TDRD5: variants seen among roughly 807,000 people sequenced by gnomAD.
TDRD5 encodes the protein tudor domain-containing protein 5.
A neutral mutation model predicts 120.6 loss-of-function variants in TDRD5; 41 were observed. The ratio of observed to expected loss-of-function variants is 0.34; its 90% CI spans 0.26 to 0.44. The LOEUF (loss-of-function observed/expected upper bound fraction) is 0.44. TDRD5 is among the 20% of genes least tolerant of loss of function. The pLI is 1.00. For synonymous variants in TDRD5, 430 were observed against 433.7 expected (o/e 0.99, Z 0.11); for missense variants, 1,006 against 1,221.2 (o/e 0.82, Z 2.63).
intron 4 of TDRD5, among the ~76,000 whole-genome samples, chr1:179,610,787 GGTTA>G (rs1217139536): frequency 6.6e-6 from 1 of 151,956 alleles, no homozygotes; most frequent in Non-Finnish European, 1.5e-5. Flanking sequence ...GGTCTCCCCT[GGTTA>G]GTCTCCTTTC....
chr1:179,601,993 A>G (rs1033375404), intron 4 of TDRD5, among the ~76,000 whole-genome samples: 5 of 152,216 alleles, frequency 3.3e-5, no homozygotes, highest in Non-Finnish European at 7.3e-5. Flanking sequence ...TTTAGTAGAT[A>G]TGGGGTTTCA....
intron 14 of TDRD5, among the ~76,000 whole-genome samples, chr1:179,656,718 T>C (rs1679025064): frequency 6.6e-6 from 1 of 152,222 alleles, no homozygotes; most frequent in African/African-American, 2.4e-5. Context: ...CACTACCACA[T>C]TGTCTTGATT....
At chr1:179,643,415 GCAGA>G (rs1558401128) in intron 11 of TDRD5, among the ~76,000 whole-genome samples, 1 of 152,184 alleles carries the variant, frequency 6.6e-6, no homozygotes, top group African/African-American at 2.4e-5. Context: ...ATTGGAGTTA[GCAGA>G]CAAAGACTTT....
At chr1:179,674,965 AT>A (rs1680046671) in intron 17 of TDRD5, among the ~76,000 whole-genome samples, 1 of 151,794 alleles carries the variant, frequency 6.6e-6, no homozygotes, top group African/African-American at 2.4e-5. Flanking sequence ...TGGTCTTTCA[AT>A]TTTTATCTTT....
chr1:179,640,335 T>G, intron 10 of TDRD5, 44 bp from the exon 11 acceptor site: 6 of 1,603,748 alleles, frequency 3.7e-6, no homozygotes, highest in Non-Finnish European at 5.1e-6. Context: ...TGCATTTATA[T>G]ATAGCAGGAA....
intron 14 of TDRD5, among the ~76,000 whole-genome samples, chr1:179,659,065 G>T (rs972695819): frequency 2.0e-5 from 3 of 152,158 alleles, no homozygotes; most frequent in Non-Finnish European, 4.4e-5. Flanking sequence ...AAATTTTCAT[G>T]TTAACTTCCT....
chr1:179,594,464 G>C (rs116309478), intron 3 of TDRD5, among the ~76,000 whole-genome samples: 2,554 of 152,286 alleles, frequency 0.017, 85 homozygotes, highest in African/African-American at 0.058. Context: ...AAAGTCACAT[G>C]GCTGGAAAAG....
intron 3 of TDRD5, among the ~76,000 whole-genome samples, chr1:179,595,353 T>G (rs1389233345): frequency 6.6e-6 from 1 of 152,140 alleles, no homozygotes; most frequent in Non-Finnish European, 1.5e-5. Context: ...GAATCCCACC[T>G]CTCTATAATT....
intron 11 of TDRD5, among the ~76,000 whole-genome samples, chr1:179,648,967 G>T (rs149848534): frequency 6.6e-6 from 1 of 152,126 alleles, no homozygotes; most frequent in African/African-American, 2.4e-5. Context: ...TTCACTTATT[G>T]TAGAAACATG....
chr1:179,647,912 A>C (rs992001763), intron 11 of TDRD5, among the ~76,000 whole-genome samples: 17 of 149,878 alleles, frequency 1.1e-4, no homozygotes, highest in African/African-American at 4.2e-4. Flanking sequence ...ATCTCACACC[A>C]GTTAGAATGG....
chr1:179,643,030 T>C lies in TDRD5; in HGVS notation c.1800+2585T>C, dbSNP rs116805139. 2.2e-3 allele frequency among the ~76,000 whole-genome samples: 337 copies of C among 152,278 alleles called. 6 individuals carry two copies. The highest frequency in any genetic ancestry group is 7.7e-3 in the African/African-American group (318 of 41,560). On this transcript the variant is annotated intron_variant, in intron 11 of 17. Transcript: ENST00000444136. ...TACTTGAAGGTAGGGAACCACAGAA[T>C]GGATGAGTTCCCAAATCATTATATA...
chr1:179,662,962 T>G (rs781148220), intron 15 of TDRD5, among the ~76,000 whole-genome samples: 5 of 152,216 alleles, frequency 3.3e-5, no homozygotes, highest in African/African-American at 1.2e-4. Context: ...GTCAGCATAT[T>G]TGCTAATATT....
Position 179,592,816 on chromosome 1 carries a change from C to T in TDRD5, c.201C>T (p.Cys67=). 1 of 1,614,110 alleles carries T rather than the reference C, an allele frequency of 6.2e-7. No individual in the cohort carries two copies. The highest frequency in any genetic ancestry group is 8.5e-7 in the Non-Finnish European group (1 of 1,180,014). Residue 67 remains cysteine (C), a synonymous_variant, in exon 2 of 18, where the codon TGC becomes TGT. Transcript: ENST00000444136. Reference sequence around the variant, plus strand: ...ACATGCCTGATGTTGTTCGTGTCTGCCCCGGTGCAGGTGGTACTGTAATAC... The same window carrying T: ...ACATGCCTGATGTTGTTCGTGTCTGTCCCGGTGCAGGTGGTACTGTAATAC... The part of the protein sequence containing the change: ...VLDMPDVVRV[C]PGAGGTVILK...
In TDRD5 at chr1:179,672,322, G is replaced by A. The variant is rs926103758; in HGVS notation, c.2860+2918G>A. Among the ~76,000 whole-genome samples, 4 of 152,120 alleles carry A rather than the reference G, an allele frequency of 2.6e-5. No individual in the cohort carries two copies. In the South Asian group the frequency reaches 8.3e-4, roughly 32 times the overall value. Reference sequence around the variant, plus strand: ...TTATGGGTATTCTTGCAGAAGTGAGGTGGTATCACATTGTGGTTTTAATTT... The same window carrying A: ...TTATGGGTATTCTTGCAGAAGTGAGATGGTATCACATTGTGGTTTTAATTT... On this transcript the variant is annotated intron_variant, in intron 17 of 17. Transcript: ENST00000444136.
intron 4 of TDRD5, among the ~76,000 whole-genome samples, chr1:179,614,812 C>T (rs543530849): frequency 2.6e-5 from 4 of 151,934 alleles, no homozygotes; most frequent in East Asian, 1.9e-4. Flanking sequence ...CTTGATGTTT[C>T]GATGTATGTA....
intron 10 of TDRD5, 150 bp from the exon 11 acceptor site, chr1:179,640,229 G>T: frequency 9.7e-7 from 1 of 1,032,178 alleles, no homozygotes; most frequent in South Asian, 1.5e-5. Flanking sequence ...TGTAACTCTT[G>T]TGTTATCTTT....
intron 4 of TDRD5, among the ~76,000 whole-genome samples, chr1:179,596,474 C>A (rs745651480): frequency 2.6e-5 from 4 of 152,166 alleles, no homozygotes; most frequent in Non-Finnish European, 5.9e-5. Context: ...CTCCTTCATG[C>A]CACTTTGTAG....
In TDRD5 at chr1:179,664,100, T is replaced by C. The variant is rs1050009079; in HGVS notation, c.2649+609T>C. Among the ~76,000 whole-genome samples the C allele has an allele frequency of 3.3e-5, 5 of 152,298 alleles. No homozygotes were observed. In the East Asian group the frequency reaches 9.6e-4, roughly 29 times the overall value. The stretch of plus-strand genomic sequence containing the variant: ...AAAGAGCTTAAGTCTAGAAGACTTG[T>C]TCAAAAGCAGATCTAGGGAAGATGA... On this transcript the variant is annotated intron_variant, in intron 16 of 17. Coordinates refer to ENST00000444136, the MANE Select transcript of TDRD5 (RefSeq NM_001199085.3).
intron 16 of TDRD5, among the ~76,000 whole-genome samples, chr1:179,666,181 A>G (rs961769035): frequency 1.3e-5 from 2 of 152,090 alleles, no homozygotes; most frequent in African/African-American, 4.8e-5. Flanking sequence ...TTCTAATCCA[A>G]CTCCCATCAT....
Sources: allele counts gnomAD v4.1 joint callset (sites outside exome capture counted in the v4.1 genomes callset), GRCh38; gene constraint gnomAD v4.1.1; transcripts MANE v1.5; gene names NCBI Gene and HGNC (gene_info 2026-07-23, HGNC 2026-07-21).